PRH1: variants seen among roughly 807,000 people sequenced by gnomAD.
The protein encoded by PRH1 is proline rich protein HaeIII subfamily 1.
A neutral mutation model predicts 7.9 loss-of-function variants in PRH1; 7 were observed. The observed-to-expected ratio is 0.89, with a 90% confidence interval of 0.50 to 1.67. The LOEUF is 1.67. Ranked by LOEUF, PRH1 falls within the 40% of genes most tolerant of loss-of-function variation. The pLI, the probability that PRH1 is intolerant of heterozygous loss-of-function variation, is 0.00. For missense variants in PRH1, 109 were observed against 223.6 expected, an observed-to-expected ratio of 0.49 and a Z score of 3.27; for synonymous variants, 45 against 80.8, an observed-to-expected ratio of 0.56 and a Z score of 2.38.
At position 11,086,925 on chromosome 12, in the gene PRH1, C is replaced by A. The variant is rs1207975683; in HGVS notation, n.124-39737G>T. Among the ~76,000 whole-genome samples the A allele has an allele frequency of 2.5e-4, 17 of 68,408 alleles. 4 individuals are homozygous for A. Among genetic ancestry groups the A allele is most frequent in the African/African-American group, 6.7e-4 (17 of 25,236 alleles). 44.9% of individuals were successfully genotyped at this position (68,408 alleles called of 152,430 possible). Reference sequence around the variant, plus strand: ...AAACTCCATCTCAAAAACACCACCACCACCAACAAAGGGCGATGAAAATAC... The same window carrying A: ...AAACTCCATCTCAAAAACACCACCAACACCAACAAAGGGCGATGAAAATAC... On this transcript the variant is annotated intron_variant and non_coding_transcript_variant, in intron 1 of 4. Transcript: ENST00000541977.
At chr12:10,919,920 T>TTC (rs1368620907) in intron 2 of PRH1, among the ~76,000 whole-genome samples, 1 of 151,630 alleles carries the variant, frequency 6.6e-6, no homozygotes, top group Non-Finnish European at 1.5e-5. Context: ...TTTTTTTTTT[T>TTC]TCCTGACAGA....
At chr12:11,084,484 T>A (rs1325458637) in intron 1 of PRH1, among the ~76,000 whole-genome samples, 1 of 139,824 alleles carries the variant, frequency 7.2e-6, no homozygotes, top group Non-Finnish European at 1.6e-5. Flanking sequence ...GGTCTTCAGA[T>A]GTGATCCATC....
chr12:11,086,226 G>C (rs72477443), intron 1 of PRH1, among the ~76,000 whole-genome samples: 67,579 of 129,884 alleles, frequency 0.52, 13,389 homozygotes, highest in Non-Finnish European at 0.6. Flanking sequence ...CAAGCTTAAT[G>C]TCTCATGCTT....
At position 11,087,678 on chromosome 12, in the gene PRH1, A is replaced by T. The variant is rs1377607838; in HGVS notation, n.124-40490T>A. 3.4e-5 allele frequency among the ~76,000 whole-genome samples: 4 copies of T among 117,338 alleles called. 1 individual carries two copies. The highest frequency in any genetic ancestry group is 1.1e-4 in the African/African-American group (4 of 35,044). The allele number at this position is 117,338 out of a possible 152,430, so 77.0% of individuals were successfully genotyped here. A position where few individuals can be genotyped will look rare whatever the true frequency, so the allele number is the denominator to read the frequency against. ...AGGAATGGAACTGGTCACTGCCATGACAAAACACTTGCAAGTTACAGGGGA... is the reference window on the plus strand; with the variant it reads ...AGGAATGGAACTGGTCACTGCCATGTCAAAACACTTGCAAGTTACAGGGGA... On this transcript the variant is annotated intron_variant and non_coding_transcript_variant, in intron 1 of 4. Coordinates refer to the PRH1 transcript ENST00000541977.
At chr12:11,104,124 C>A (rs548703043) in intron 1 of PRH1, among the ~76,000 whole-genome samples, 2 of 139,062 alleles carry the variant, frequency 1.4e-5, no homozygotes, top group African/African-American at 5.4e-5. Flanking sequence ...ATATTTGATT[C>A]AACGGTGACC....
chr12:10,913,616 C>T (rs1220059729), intron 2 of PRH1, among the ~76,000 whole-genome samples: 1 of 152,096 alleles, frequency 6.6e-6, no homozygotes, highest in African/African-American at 2.4e-5. Flanking sequence ...AAAATGGGAC[C>T]TAGAGCTATA....
intron 2 of PRH1, among the ~76,000 whole-genome samples, chr12:10,924,089 G>A (rs1257702223): frequency 7.5e-6 from 1 of 132,834 alleles, no homozygotes; most frequent in African/African-American, 2.7e-5. Context: ...CTGGGTTCAC[G>A]CCATTCTCCT....
chr12:10,988,445 T>A (rs1423917924), intron 1 of PRH1, among the ~76,000 whole-genome samples: 3 of 152,130 alleles, frequency 2.0e-5, no homozygotes, highest in South Asian at 2.1e-4. Context: ...TCATCTGAAA[T>A]TTCCATATGT....
chr12:10,951,364 T>C (rs1937659037), intron 2 of PRH1, among the ~76,000 whole-genome samples: 1 of 152,200 alleles, frequency 6.6e-6, no homozygotes, highest in Non-Finnish European at 1.5e-5. Flanking sequence ...TGATCATAAC[T>C]TGTATCATGA....
chr12:11,095,781 C>T lies in PRH1; in HGVS notation n.124-48593G>A, dbSNP rs1993048. On this transcript the variant is annotated intron_variant and non_coding_transcript_variant, in intron 1 of 4. Coordinates refer to the PRH1 transcript ENST00000541977. ...TCCTACCACTGAACTCCAGCGTGGACAACAGAGTGAGAATCCAACTCTACC... is the reference window on the plus strand; with the variant it reads ...TCCTACCACTGAACTCCAGCGTGGATAACAGAGTGAGAATCCAACTCTACC... Among the ~76,000 whole-genome samples the T allele has an allele frequency of 2.2e-4, 25 of 115,054 alleles. 8 individuals carry two copies. Among genetic ancestry groups the T allele is most frequent in the Admixed American group, 2.6e-4 (3 of 11,392 alleles). 75.5% of individuals were successfully genotyped at this position (115,054 alleles called of 152,430 possible). A position where few individuals can be genotyped will look rare whatever the true frequency, so the allele number is the denominator to read the frequency against.
At chr12:11,065,313 G>C (rs1444235096) in intron 1 of PRH1, among the ~76,000 whole-genome samples, 1 of 151,856 alleles carries the variant, frequency 6.6e-6, no homozygotes, top group Non-Finnish European at 1.5e-5. Flanking sequence ...TAGTTATCTT[G>C]TCTGAAGTTT....
At chr12:10,994,065 T>C (rs1228663788) in intron 1 of PRH1, among the ~76,000 whole-genome samples, 2 of 152,162 alleles carry the variant, frequency 1.3e-5, no homozygotes, top group Non-Finnish European at 2.9e-5. Context: ...TAGTCAGCCA[T>C]GATTGGAGGG....
At chr12:10,917,409 A>G (rs535066798) in intron 2 of PRH1, among the ~76,000 whole-genome samples, 85 of 152,246 alleles carry the variant, frequency 5.6e-4, no homozygotes, top group Non-Finnish European at 7.6e-4. Context: ...GCTCATTGTT[A>G]ATTTGTTGTT....
At chr12:11,039,028 A>G (rs148000372) in intron 1 of PRH1, among the ~76,000 whole-genome samples, 2,053 of 152,058 alleles carry the variant, frequency 0.014, no homozygotes, top group South Asian at 0.027. Context: ...TTAACAGCAT[A>G]CTGTAAGGGA....
At position 10,986,694 on chromosome 12, in the gene PRH1, A is replaced by G. The variant is rs760638530; in HGVS notation, c.-125-12973T>C. 6 of 1,612,538 alleles carry G rather than the reference A, an allele frequency of 3.7e-6. No individual in the cohort carries two copies. Among genetic ancestry groups the G allele is most frequent in the Non-Finnish European group, 5.1e-6 (6 of 1,179,710 alleles). ...TAATAATAATGCCCAGAGCAAACCA[A>G]TTCTGGAGACCGCCAGAGCAGTGAG... is the stretch of plus-strand genomic sequence containing the variant. On this transcript the variant is annotated intron_variant, in intron 1 of 3. Transcript: ENST00000539853.
rs1942278317 is a variant in PRH1, at chr12:11,032,686, GT to G, written c.-126+14333del. Among the ~76,000 whole-genome samples the G allele has an allele frequency of 2.6e-5, 4 of 152,072 alleles. No individual in the cohort carries two copies. The South Asian group carries it at 8.3e-4, about 32-fold the overall frequency. On this transcript the variant is annotated intron_variant, in intron 1 of 3. Coordinates refer to the PRH1 transcript ENST00000539853. ...TCTCTAATTCTTAGGACTTGGTAAA[GT>G]TTCTCTCAAGTCTAATGTTTAAATA...
chr12:11,099,213 T>C (rs943684288), intron 1 of PRH1, among the ~76,000 whole-genome samples: 16 of 152,314 alleles, frequency 1.1e-4, no homozygotes, highest in Middle Eastern at 3.4e-3. Flanking sequence ...ACACTTTGCA[T>C]AGAGATTTGA....
intron 1 of PRH1, among the ~76,000 whole-genome samples, chr12:11,000,074 G>A (rs1940509824): frequency 6.6e-6 from 1 of 152,008 alleles, no homozygotes; most frequent in African/African-American, 2.4e-5. Context: ...CTATTATGGG[G>A]TCATTAAATG....
At chr12:11,111,329 C>T (rs1945584903) in intron 1 of PRH1, among the ~76,000 whole-genome samples, 1 of 152,202 alleles carries the variant, frequency 6.6e-6, no homozygotes, top group African/African-American at 2.4e-5. Flanking sequence ...AACTCTCCAC[C>T]TCAAATCAAC....
Sources: allele counts gnomAD v4.1 joint callset (sites outside exome capture counted in the v4.1 genomes callset), GRCh38; gene constraint gnomAD v4.1.1; transcripts MANE v1.5; gene names NCBI Gene and HGNC (gene_info 2026-07-23, HGNC 2026-07-21).